Variants in TMC2 observed in about 807,000 individuals in gnomAD.
The protein encoded by TMC2 is transmembrane channel like 2, also known as transmembrane channel-like protein 2.
TMC2 carries 102 observed loss-of-function variants against 105.9 expected under a neutral mutation model. That is an observed-to-expected ratio of 0.96 (90% CI 0.82 to 1.14). TMC2 has a LOEUF of 1.14. TMC2 is among the 50% of genes most tolerant of loss of function. TMC2 has a pLI of 0.00. For synonymous variants in TMC2, 402 were observed against 422.8 expected, an observed-to-expected ratio of 0.95 and a Z score of 0.60; for missense variants, 1,093 against 1,134.3, an observed-to-expected ratio of 0.96 and a Z score of 0.52.
intron 17 of TMC2, among the ~76,000 whole-genome samples, chr20:2,629,285 A>G (rs2086586404): frequency 6.6e-6 from 1 of 152,102 alleles, no homozygotes; most frequent in Non-Finnish European, 1.5e-5. Flanking sequence ...TCCATGGGAA[A>G]AACAAGTTAA....
At chr20:2,540,911 G>A (rs2085885904) in intron 2 of TMC2, among the ~76,000 whole-genome samples, 1 of 151,990 alleles carries the variant, frequency 6.6e-6, no homozygotes, top group Non-Finnish European at 1.5e-5. Context: ...TTTCAACCCA[G>A]CTCCCTGTGG....
chr20:2,547,047 C>T (rs1370067982), intron 2 of TMC2, among the ~76,000 whole-genome samples: 1 of 151,924 alleles, frequency 6.6e-6, no homozygotes, highest in African/African-American at 2.4e-5. Context: ...ATATAATTAT[C>T]TAAAAACATA....
At chr20:2,611,253 G>A (rs1474214155) in intron 12 of TMC2, among the ~76,000 whole-genome samples, 1 of 152,182 alleles carries the variant, frequency 6.6e-6, no homozygotes, top group Non-Finnish European at 1.5e-5. Context: ...GAGCAAAGGA[G>A]GGCCCGATGA....
At chr20:2,615,043 G>C (rs952599417) in intron 14 of TMC2, among the ~76,000 whole-genome samples, 2 of 152,012 alleles carry the variant, frequency 1.3e-5, no homozygotes, top group Non-Finnish European at 2.9e-5. Context: ...AATTCTGGGT[G>C]GGGGTGCGGT....
chr20:2,617,030 C>G (rs763100615), intron 15 of TMC2, 42 bp from the exon 16 acceptor site: 1 of 1,612,752 alleles, frequency 6.2e-7, no homozygotes. Context: ...CTCGCCTTCC[C>G]TGCTGTCCAG....
At chr20:2,575,363 A>G (rs76416412) in intron 5 of TMC2, among the ~76,000 whole-genome samples, 4,974 of 152,222 alleles carry the variant, frequency 0.033, 262 homozygotes, top group African/African-American at 0.11. Context: ...TTTTCAAACT[A>G]TTTTCCCCAA....
In TMC2 at chr20:2,612,308, C is replaced by A; in HGVS notation, c.1711C>A (p.Arg571=). The A allele has an allele frequency of 6.3e-7, 1 of 1,588,970 alleles. No homozygotes were observed. Among genetic ancestry groups the A allele is most frequent in the Non-Finnish European group, 8.6e-7 (1 of 1,163,478 alleles). ...RPPLHPADVP[R]GSCWETAVGI... ...ACCCCTGCACCCTGCAGATGTGCCC[C>A]GGGGTTCTTGCTGGGAGACAGCTGT... The change falls in exon 13 of 20, where the codon CGG becomes AGG. Residue 571 remains arginine, a synonymous_variant. Coordinates refer to ENST00000358864, the MANE Select transcript of TMC2 (RefSeq NM_080751.3).
intron 2 of TMC2, among the ~76,000 whole-genome samples, chr20:2,548,387 C>G (rs2085936902): frequency 6.6e-6 from 1 of 152,102 alleles, no homozygotes; most frequent in Non-Finnish European, 1.5e-5. Flanking sequence ...GCCTCTAATC[C>G]CAGCACTTTG....
intron 2 of TMC2, among the ~76,000 whole-genome samples, chr20:2,557,253 T>C (rs1048684966): frequency 3.9e-5 from 6 of 152,234 alleles, no homozygotes; most frequent in Non-Finnish European, 5.9e-5. Flanking sequence ...TTTGGGGATA[T>C]TTTGTTCCAT....
intron 5 of TMC2, among the ~76,000 whole-genome samples, chr20:2,573,308 TA>T (rs2122859066): frequency 6.6e-6 from 1 of 152,248 alleles, no homozygotes; most frequent in East Asian, 1.9e-4. Context: ...TTTTCACATC[TA>T]GGATACCATA....
At chr20:2,621,145 G>A (rs539479032) in intron 16 of TMC2, among the ~76,000 whole-genome samples, 32 of 152,140 alleles carry the variant, frequency 2.1e-4, no homozygotes, top group African/African-American at 5.1e-4. Context: ...GGCAGATCAC[G>A]AGATCAGGAG....
At chr20:2,559,250 C>G (rs4815322) in intron 3 of TMC2, among the ~76,000 whole-genome samples, 1 of 152,022 alleles carries the variant, frequency 6.6e-6, no homozygotes, top group Non-Finnish European at 1.5e-5. Context: ...CCAGTTTCCT[C>G]TGCTGGAAAT....
intron 5 of TMC2, among the ~76,000 whole-genome samples, chr20:2,574,915 G>A (rs908919365): frequency 1.3e-5 from 2 of 151,816 alleles, no homozygotes; most frequent in South Asian, 2.1e-4. Flanking sequence ...TAGTAGATGC[G>A]ATGTTTCACC....
intron 11 of TMC2, among the ~76,000 whole-genome samples, chr20:2,607,824 T>G (rs2086404721): frequency 6.6e-6 from 1 of 152,190 alleles, no homozygotes; most frequent in Non-Finnish European, 1.5e-5. Context: ...TTCGGGAGAT[T>G]CAAAAATCAT....
intron 2 of TMC2, among the ~76,000 whole-genome samples, chr20:2,557,369 A>G (rs2085991180): frequency 6.6e-6 from 1 of 152,180 alleles, no homozygotes; most frequent in Non-Finnish European, 1.5e-5. Flanking sequence ...TAATGAGCCC[A>G]TCAAAGGTGT....
At chr20:2,624,133 T>G in intron 16 of TMC2, 138 bp from the exon 17 acceptor site, 2 of 967,232 alleles carry the variant, frequency 2.1e-6, no homozygotes, top group Non-Finnish European at 3.0e-6. Flanking sequence ...TTGCAGTTCA[T>G]TTGGAGCAGA....
chr20:2,552,269 A>ACAAG (rs1319885009), intron 2 of TMC2, among the ~76,000 whole-genome samples: 6 of 152,200 alleles, frequency 3.9e-5, no homozygotes, highest in Non-Finnish European at 8.8e-5. Flanking sequence ...AAACAAACAA[A>ACAAG]CAAACACTTT....
chr20:2,619,151 G>T (rs918558565), intron 16 of TMC2, among the ~76,000 whole-genome samples: 1 of 152,178 alleles, frequency 6.6e-6, no homozygotes, highest in Non-Finnish European at 1.5e-5. Context: ...AAAGGAGGAA[G>T]GAGACAAATG....
intron 2 of TMC2, among the ~76,000 whole-genome samples, chr20:2,544,064 G>C (rs889098034): frequency 9.6e-6 from 1 of 104,162 alleles, no homozygotes; most frequent in Admixed American, 1.3e-4. Context: ...ACCATGCCTA[G>C]CTGATTTTTT....
Sources: gnomAD v4.1 joint callset for allele counts (sites outside exome capture counted in the v4.1 genomes callset) on GRCh38, gnomAD v4.1.1 for gene constraint, MANE v1.5 for transcripts, NCBI Gene and HGNC (gene_info 2026-07-23, HGNC 2026-07-21) for gene names.